Variants in HDAC8 observed in about 807,000 individuals in gnomAD.
HDAC8 encodes histone deacetylase-like 1.
In HDAC8, 1 loss-of-function variant was observed where a neutral mutation model predicts 32.2. That is an observed-to-expected ratio of 0.03 (90% confidence interval 0.01 to 0.15). The LOEUF (loss-of-function observed/expected upper bound fraction) is 0.15. Ranked by LOEUF, HDAC8 falls within the 10% of genes least tolerant of loss-of-function variation. The pLI, the probability that HDAC8 is intolerant of heterozygous loss-of-function variation, is 1.00. For missense variants in HDAC8, 117 were observed against 300.0 expected (o/e 0.39, Z 4.51); for synonymous variants, 108 against 113.9 (o/e 0.95, Z 0.33).
intron 9 of HDAC8, among the ~76,000 whole-genome samples, chrX:72,445,757 A>T (rs1555984497): frequency 8.9e-6 from 1 of 111,856 alleles, no homozygotes; most frequent in African/African-American, 3.3e-5. Flanking sequence ...AACCTACAAA[A>T]TGGGAGAAAA....
At chrX:72,472,079 T>A (rs975705789) in intron 7 of HDAC8, among the ~76,000 whole-genome samples, 3 of 108,860 alleles carry the variant, frequency 2.8e-5, no homozygotes, top group South Asian at 3.9e-4. Context: ...TTTATTTTTT[T>A]TTTTTTGAGA....
chrX:72,551,079 GCACA>G lies in HDAC8; in HGVS notation c.437+16806_437+16809del, dbSNP rs56118046. On this transcript the variant is annotated intron_variant, in intron 4 of 10. Transcript: ENST00000373573. ...AGATGCTGGAAATCTTGAAGTCAGCGCACACACACACACACACACACACACACAC... is the reference window on the plus strand; with the variant it reads ...AGATGCTGGAAATCTTGAAGTCAGCGCACACACACACACACACACACACAC... 7.8e-3 allele frequency among the ~76,000 whole-genome samples: 748 copies of G among 96,363 alleles called. 7 individuals are homozygous for G. The highest frequency in any genetic ancestry group is 0.021 in the African/African-American group (566 of 26,899). The allele number at this position is 96,363 out of a possible 115,157, so 83.7% of individuals were successfully genotyped here. A position where few individuals can be genotyped will look rare whatever the true frequency, so the allele number is the denominator to read the frequency against.
chrX:72,347,772 AT>A (rs1272584804), intron 10 of HDAC8, among the ~76,000 whole-genome samples: 2 of 112,279 alleles, frequency 1.8e-5, no homozygotes, highest in Non-Finnish European at 1.9e-5. Context: ...GCAAATGAAC[AT>A]GGTGCAAGGA....
chrX:72,387,722 C>A (rs2045482203), intron 9 of HDAC8, among the ~76,000 whole-genome samples: 1 of 112,115 alleles, frequency 8.9e-6, no homozygotes, highest in Non-Finnish European at 1.9e-5. Flanking sequence ...AGTAATCACT[C>A]CATGAGTGCT....
chrX:72,567,731 C>T, intron 4 of HDAC8, 158 bp downstream of exon 4: 1 of 1,209,715 alleles, frequency 8.3e-7, no homozygotes, highest in Non-Finnish European at 1.1e-6. Context: ...ATTAGGTAAT[C>T]TTTTTTCTAT....
rs1322400544 is a variant in HDAC8, at chrX:72,489,390, T to C, written c.629-349A>G. On this transcript the variant is annotated intron_variant, in intron 6 of 10. Transcript: ENST00000373573. ...GCATAAGTGATCTGTTAACAGTCCA[T>C]AAAAATCACCTGGAAAAAGAAACAG... is the stretch of plus-strand genomic sequence containing the variant. 3 of 181,408 alleles carry C rather than the reference T, an allele frequency of 1.7e-5. No individual in the cohort carries two copies. In the Admixed American group the frequency reaches 2.0e-4, roughly 12 times the overall value. The allele number at this position is 181,408 out of a possible 1,213,427, so 15.0% of individuals were successfully genotyped here. A position where few individuals can be genotyped will look rare whatever the true frequency, so the allele number is the denominator to read the frequency against.
intron 4 of HDAC8, among the ~76,000 whole-genome samples, chrX:72,564,160 C>CA (rs1261150332): frequency 2.7e-5 from 3 of 110,829 alleles, no homozygotes; most frequent in Non-Finnish European, 3.8e-5. Flanking sequence ...GATTCTGTCT[C>CA]AAAAAAAAGA....
chrX:72,334,551 C>T lies in HDAC8; in HGVS notation c.1112-4475G>A, dbSNP rs782474362. On this transcript the variant is annotated intron_variant, in intron 10 of 10. Transcript: ENST00000373573. The stretch of plus-strand genomic sequence containing the variant: ...GCCACTCACCACTGTGCAGTCCTGT[C>T]GGCCCCATGGGACCGAGTCCTTCCA... Among the ~76,000 whole-genome samples the T allele has an allele frequency of 5.4e-5, 6 of 111,497 alleles. No homozygotes were observed. In the East Asian group the frequency reaches 1.1e-3, roughly 21 times the overall value.
chrX:72,487,144 G>A (rs1357923786), intron 7 of HDAC8, among the ~76,000 whole-genome samples: 1 of 111,599 alleles, frequency 9.0e-6, no homozygotes, highest in Non-Finnish European at 1.9e-5. Flanking sequence ...CTATTGGGAT[G>A]TGGGTGGCAT....
intron 7 of HDAC8, among the ~76,000 whole-genome samples, chrX:72,487,348 A>G (rs782037299): frequency 1.2e-4 from 13 of 112,046 alleles, no homozygotes; most frequent in Non-Finnish European, 2.4e-4. Flanking sequence ...AATATAGGGT[A>G]GAAACAGATA....
At chrX:72,344,022 C>T (rs951502090) in intron 10 of HDAC8, among the ~76,000 whole-genome samples, 4 of 111,902 alleles carry the variant, frequency 3.6e-5, no homozygotes, top group Admixed American at 9.5e-5. Flanking sequence ...AAAAAGGTGC[C>T]GCTCCCATTT....
chrX:72,442,874 G>A (rs1336060769), intron 9 of HDAC8, among the ~76,000 whole-genome samples: 1 of 109,904 alleles, frequency 9.1e-6, no homozygotes, highest in Non-Finnish European at 1.9e-5. Context: ...AAAAAAGGCA[G>A]GGGTTGCAAT....
chrX:72,483,305 G>T (rs2048566974), intron 7 of HDAC8, among the ~76,000 whole-genome samples: 1 of 111,686 alleles, frequency 9.0e-6, no homozygotes, highest in South Asian at 3.7e-4. Context: ...GAAGGTATTA[G>T]GGTCTTGGAG....
intron 9 of HDAC8, among the ~76,000 whole-genome samples, chrX:72,372,044 C>T (rs1555956562): frequency 5.4e-5 from 6 of 111,408 alleles, no homozygotes; most frequent in Non-Finnish European, 9.4e-5. Context: ...TTCAGGTCCC[C>T]TCTGCCACCT....
intron 9 of HDAC8, among the ~76,000 whole-genome samples, chrX:72,405,864 A>C (rs1328622416): frequency 1.8e-5 from 2 of 112,045 alleles, no homozygotes; most frequent in Non-Finnish European, 3.8e-5. Flanking sequence ...AATGTCAATT[A>C]CTGTATTTTT....
At chrX:72,451,651 T>A (rs1326925129) in intron 9 of HDAC8, among the ~76,000 whole-genome samples, 2 of 112,821 alleles carry the variant, frequency 1.8e-5, no homozygotes, top group Non-Finnish European at 3.7e-5. Flanking sequence ...AGAATTTAAA[T>A]CCTACAAAAA....
At chrX:72,351,591 C>T in intron 10 of HDAC8, 142 bp downstream of exon 10, 1 of 457,535 alleles carries the variant, frequency 2.2e-6, no homozygotes, top group East Asian at 3.7e-5. Flanking sequence ...TACAAGCTGT[C>T]AGGCCAAGAA....
intron 9 of HDAC8, among the ~76,000 whole-genome samples, chrX:72,428,671 C>T (rs994508262): frequency 9.0e-6 from 1 of 111,727 alleles, no homozygotes; most frequent in East Asian, 2.8e-4. Context: ...GACAATTAAC[C>T]TTCCAGTCTA....
chrX:72,440,014 A>G (rs1453249751), intron 9 of HDAC8, among the ~76,000 whole-genome samples: 1 of 112,123 alleles, frequency 8.9e-6, no homozygotes, highest in Admixed American at 9.4e-5. Context: ...AAATCAACAG[A>G]ATACACATTC....
Sources: allele counts gnomAD v4.1 joint callset (sites outside exome capture counted in the v4.1 genomes callset), GRCh38; gene constraint gnomAD v4.1.1; transcripts MANE v1.5; gene names NCBI Gene and HGNC (gene_info 2026-07-23, HGNC 2026-07-21).